The following NRXN3 variants were observed in gnomAD, a reference collection of about 807,000 sequenced individuals.
NRXN3 encodes neurexin 3.
Under a neutral mutation model 137.6 loss-of-function variants are expected in NRXN3, and 32 were observed. The observed-to-expected ratio is 0.23, with a 90% CI of 0.18 to 0.31. The LOEUF is 0.31. Ranked by LOEUF, NRXN3 falls within the 10% of genes least tolerant of loss-of-function variation. NRXN3 has a pLI of 1.00. For synonymous variants in NRXN3, 798 were observed against 784.5 expected (o/e 1.02, Z -0.29); for missense variants, 1,574 against 2,062.5 (o/e 0.76, Z 4.59).
intron 4 of NRXN3, among the ~76,000 whole-genome samples, chr14:78,378,266 C>T (rs779505615): frequency 1.3e-5 from 2 of 152,160 alleles, no homozygotes; most frequent in Non-Finnish European, 2.9e-5. Flanking sequence ...GGATGGATCA[C>T]CTGAGGTCAG....
At chr14:79,763,272 G>T (rs937534302) in intron 19 of NRXN3, among the ~76,000 whole-genome samples, 1 of 151,618 alleles carries the variant, frequency 6.6e-6, no homozygotes, top group Non-Finnish European at 1.5e-5. Flanking sequence ...GTCTATCACT[G>T]ATTGGCATTT....
At position 78,445,085 on chromosome 14, in the gene NRXN3, C is replaced by G. The variant is rs4903759; in HGVS notation, c.757+147225C>G. On this transcript the variant is annotated intron_variant, in intron 4 of 20. Transcript: ENST00000335750. ...AATTAAACTCCAGGGCTGTGTTTTG[C>G]GAACCAATTAACTAAAACTTGGAGT... Among the ~76,000 whole-genome samples the G allele has an allele frequency of 1.8e-4, 28 of 152,218 alleles. No homozygotes were observed. In the East Asian group the frequency reaches 5.0e-3, roughly 27 times the overall value.
chr14:78,412,365 T>C lies in NRXN3; in HGVS notation c.757+114505T>C, dbSNP rs375090102. Among the ~76,000 whole-genome samples the C allele has an allele frequency of 9.8e-5, 15 of 152,302 alleles. No homozygotes were observed. The East Asian group carries it at 1.7e-3, about 18-fold the overall frequency. On this transcript the variant is annotated intron_variant, in intron 4 of 20. Transcript: ENST00000335750. The stretch of plus-strand genomic sequence containing the variant: ...TCCCAGCCAACATAATGGCAGGTAC[T>C]GTGAGAGGGAAATAACTTGTGGTGT...
chr14:79,152,252 A>G (rs1285794721), intron 15 of NRXN3, among the ~76,000 whole-genome samples: 1 of 152,090 alleles, frequency 6.6e-6, no homozygotes, highest in African/African-American at 2.4e-5. Flanking sequence ...TAGAAACCAG[A>G]AACAACTATC....
At chr14:79,812,145 C>A (rs185523772) in intron 20 of NRXN3, among the ~76,000 whole-genome samples, 12 of 152,176 alleles carry the variant, frequency 7.9e-5, no homozygotes, top group Non-Finnish European at 1.6e-4. Flanking sequence ...GAAAAAAATT[C>A]TATCCAACTC....
intron 15 of NRXN3, among the ~76,000 whole-genome samples, chr14:79,213,151 T>A (rs2067952744): frequency 6.6e-6 from 1 of 152,096 alleles, no homozygotes; most frequent in South Asian, 2.1e-4. Context: ...CCACCTCCAT[T>A]TTTCCCCTGT....
chr14:79,831,863 G>T, intron 20 of NRXN3, among the ~76,000 whole-genome samples: 1 of 152,098 alleles, frequency 6.6e-6, no homozygotes, highest in East Asian at 1.9e-4. Flanking sequence ...AGTTTACTTT[G>T]CTCCGAGTTT....
intron 15 of NRXN3, among the ~76,000 whole-genome samples, chr14:79,126,403 C>T (rs1481652652): frequency 6.7e-6 from 1 of 150,260 alleles, no homozygotes. Flanking sequence ...CAATTCCCAC[C>T]TATGAGTGAG....
intron 4 of NRXN3, among the ~76,000 whole-genome samples, chr14:78,320,067 C>T (rs367718975): frequency 6.6e-6 from 1 of 152,220 alleles, no homozygotes; most frequent in East Asian, 1.9e-4. Flanking sequence ...TTCCAGCTGG[C>T]GGTGGCCTTG....
At chr14:79,228,289 G>C (rs1221892274) in intron 15 of NRXN3, among the ~76,000 whole-genome samples, 5 of 151,446 alleles carry the variant, frequency 3.3e-5, no homozygotes, top group Non-Finnish European at 7.4e-5. Flanking sequence ...AATTCTTAGG[G>C]GCAGGGAGGA....
chr14:78,403,516 G>A (rs902774902), intron 4 of NRXN3, among the ~76,000 whole-genome samples: 23 of 152,124 alleles, frequency 1.5e-4, no homozygotes, highest in Non-Finnish European at 3.1e-4. Context: ...AAATCCCCTG[G>A]GAGAGGATGA....
chr14:79,027,880 G>T (rs907838615), intron 15 of NRXN3, among the ~76,000 whole-genome samples: 1 of 152,246 alleles, frequency 6.6e-6, no homozygotes, highest in African/African-American at 2.4e-5. Flanking sequence ...TGAAGAACTT[G>T]CTTTAGACCT....
intron 4 of NRXN3, among the ~76,000 whole-genome samples, chr14:78,617,688 C>T (rs899137206): frequency 6.6e-6 from 1 of 152,068 alleles, no homozygotes; most frequent in African/African-American, 2.4e-5. Flanking sequence ...CGACCCTTCA[C>T]TTTCCTGGGC....
chr14:78,265,097 A>G (rs1195091859), intron 2 of NRXN3, among the ~76,000 whole-genome samples: 1 of 152,202 alleles, frequency 6.6e-6, no homozygotes, highest in Non-Finnish European at 1.5e-5. Flanking sequence ...CTTTTTCTGA[A>G]TACTAAAAAT....
At chr14:79,605,322 C>T (rs1269719392) in intron 16 of NRXN3, among the ~76,000 whole-genome samples, 1 of 152,136 alleles carries the variant, frequency 6.6e-6, no homozygotes, top group Non-Finnish European at 1.5e-5. Flanking sequence ...TGATCACACA[C>T]TATTTTCATC....
intron 15 of NRXN3, among the ~76,000 whole-genome samples, chr14:79,369,244 A>T (rs993653622): frequency 2.0e-5 from 3 of 152,322 alleles, no homozygotes; most frequent in Non-Finnish European, 4.4e-5. Context: ...GTGGGCTTAT[A>T]GTGAAAGAAA....
intron 15 of NRXN3, among the ~76,000 whole-genome samples, chr14:79,008,428 T>C (rs1240071814): frequency 6.6e-6 from 1 of 152,194 alleles, no homozygotes; most frequent in African/African-American, 2.4e-5. Flanking sequence ...TACTATATGT[T>C]AATATGTGCA....
chr14:78,382,177 G>T (rs1435804120), intron 4 of NRXN3, among the ~76,000 whole-genome samples: 3 of 152,198 alleles, frequency 2.0e-5, no homozygotes, highest in African/African-American at 7.2e-5. Context: ...AAAACTGTCA[G>T]CCAATCAGAA....
At chr14:79,084,858 C>T (rs567619956) in intron 15 of NRXN3, among the ~76,000 whole-genome samples, 3 of 152,134 alleles carry the variant, frequency 2.0e-5, no homozygotes, top group Non-Finnish European at 2.9e-5. Context: ...GCATTTTCTA[C>T]TGCATGGATA....
Sources: gnomAD v4.1 joint callset for allele counts (sites outside exome capture counted in the v4.1 genomes callset) on GRCh38, gnomAD v4.1.1 for gene constraint, MANE v1.5 for transcripts, NCBI Gene and HGNC (gene_info 2026-07-23, HGNC 2026-07-21) for gene names.